PCNX2: variants seen among roughly 807,000 people sequenced by gnomAD.
PCNX2 encodes pecanex 2, also known as pecanex-like protein 2.
In PCNX2, 168 loss-of-function variants were observed where a neutral mutation model predicts 223.8. The observed-to-expected ratio is 0.75, with a 90% CI of 0.66 to 0.85. PCNX2 has a LOEUF of 0.85. Ranked by LOEUF, PCNX2 falls within the 40% of genes least tolerant of loss-of-function variation. The pLI is 0.00. For missense variants in PCNX2, 2,507 were observed against 2,675.5 expected, an observed-to-expected ratio of 0.94 and a Z score of 1.39; for synonymous variants, 1,006 against 1,052.6, an observed-to-expected ratio of 0.96 and a Z score of 0.86.
intron 15 of PCNX2, among the ~76,000 whole-genome samples, chr1:233,180,289 C>A (rs191105458): frequency 4.7e-4 from 71 of 152,278 alleles, no homozygotes; most frequent in African/African-American, 1.7e-3. Context: ...TGTATTCGGC[C>A]TGGCAGAGCA....
intron 4 of PCNX2, among the ~76,000 whole-genome samples, chr1:233,260,932 T>C (rs960042372): frequency 6.6e-6 from 1 of 152,168 alleles, no homozygotes; most frequent in Non-Finnish European, 1.5e-5. Flanking sequence ...ATTTATCCTG[T>C]CATTTTTTGA....
At chr1:233,045,965 T>C (rs1163382782) in intron 25 of PCNX2, among the ~76,000 whole-genome samples, 1 of 152,242 alleles carries the variant, frequency 6.6e-6, no homozygotes, top group South Asian at 2.1e-4. Context: ...CTTTGCAACA[T>C]CTTCCAACAA....
intron 25 of PCNX2, among the ~76,000 whole-genome samples, chr1:233,026,773 G>A (rs1159273766): frequency 2.0e-5 from 3 of 152,150 alleles, no homozygotes; most frequent in Non-Finnish European, 2.9e-5. Context: ...ATTGCAGGAG[G>A]ACCAGCCTTT....
chr1:233,130,787 C>T (rs1207696363), intron 21 of PCNX2, among the ~76,000 whole-genome samples: 1 of 151,604 alleles, frequency 6.6e-6, no homozygotes, highest in Non-Finnish European at 1.5e-5. Flanking sequence ...CCGGCACCCC[C>T]CCCTTTTTTT....
chr1:233,160,517 T>A, intron 18 of PCNX2, 84 bp from the exon 19 acceptor site: 1 of 1,418,676 alleles, frequency 7.0e-7, no homozygotes, highest in Non-Finnish European at 9.7e-7. Context: ...AACATCACTG[T>A]CCTTCCACTT....
chr1:233,233,618 AC>A (rs1464866491), intron 9 of PCNX2, among the ~76,000 whole-genome samples: 1 of 151,792 alleles, frequency 6.6e-6, no homozygotes, highest in Non-Finnish European at 1.5e-5. Flanking sequence ...CCTCCTGACC[AC>A]CCGCCCATTA....
chr1:233,183,489 G>C (rs1268818421), intron 15 of PCNX2, among the ~76,000 whole-genome samples: 1 of 152,186 alleles, frequency 6.6e-6, no homozygotes, highest in Non-Finnish European at 1.5e-5. Flanking sequence ...CATCAAATGT[G>C]GATCAGGCAG....
At chr1:233,166,360 C>G (rs1678793948) in intron 17 of PCNX2, among the ~76,000 whole-genome samples, 1 of 151,848 alleles carries the variant, frequency 6.6e-6, no homozygotes, top group Admixed American at 6.6e-5. Context: ...AAATGGAGCA[C>G]TAAAAGTTGG....
chr1:233,065,628 GT>G (rs1262703460), intron 23 of PCNX2: 1 of 151,434 alleles, frequency 6.6e-6, no homozygotes, highest in Admixed American at 6.6e-5. Context: ...GAGTTTCTCT[GT>G]TTTTATTTTT....
chr1:233,224,149 G>T (rs760437449), intron 10 of PCNX2, among the ~76,000 whole-genome samples: 4 of 152,188 alleles, frequency 2.6e-5, no homozygotes, highest in Admixed American at 6.5e-5. Flanking sequence ...TTGAATGAAT[G>T]AAATGTTGAA....
In PCNX2 at chr1:233,252,360, C is replaced by G. The variant is rs777621492; in HGVS notation, c.2122G>C (p.Glu708Gln). 1 of 1,604,030 alleles carries G rather than the reference C, an allele frequency of 6.2e-7. No individual in the cohort carries two copies. Among genetic ancestry groups the G allele is most frequent in the Non-Finnish European group, 8.5e-7 (1 of 1,174,066 alleles). ...SVDAMHVFIDEHGEIRSCYLK... is the reference protein window; with the variant it reads ...SVDAMHVFIDQHGEIRSCYLK... The stretch of plus-strand genomic sequence containing the variant: ...AAGAGCTCCAAAGACTCACCATGTT[C>G]ATCAATGAAGACATGCATAGCATCC... The change falls in exon 7 of 34, where the codon GAA becomes CAA. Residue 708 changes from glutamate to glutamine, a missense_variant. Physicochemically the swap from Glu to Gln is conservative, Grantham distance 29. Transcript: ENST00000258229.
At chr1:233,321,104 C>T in the PCNX2 span, among the ~76,000 whole-genome samples, 6 of 148,766 alleles carry the variant, frequency 4.0e-5, no homozygotes, top group Non-Finnish European at 8.9e-5. Context: ...CTGCAAGCTC[C>T]GCCTCCGGGG....
At chr1:233,120,164 CAA>C (rs1228898502) in intron 21 of PCNX2, among the ~76,000 whole-genome samples, 5 of 42,662 alleles carry the variant, frequency 1.2e-4, no homozygotes, top group African/African-American at 2.9e-4. Context: ...GACTCCATTT[CAA>C]AAAAAAAAAA....
intron 22 of PCNX2, among the ~76,000 whole-genome samples, chr1:233,092,878 A>G (rs1673943190): frequency 6.6e-6 from 1 of 152,154 alleles, no homozygotes; most frequent in African/African-American, 2.4e-5. Context: ...AGCTCACTGC[A>G]ACCTCCGCCT....
chr1:233,048,134 G>A (rs1671879966), intron 25 of PCNX2, among the ~76,000 whole-genome samples: 1 of 151,660 alleles, frequency 6.6e-6, no homozygotes, highest in South Asian at 2.1e-4. Flanking sequence ...CAAAATTAAG[G>A]CAAAAATGAA....
In PCNX2 at chr1:233,001,693, A is replaced by C. The variant is rs777097923; in HGVS notation, c.4953-12T>G. On this transcript the variant is annotated splice_polypyrimidine_tract_variant and intron_variant, in intron 28 of 33. Transcript: ENST00000258229. This position sits in a 1 kb window ranked among gnomAD's most constrained non-coding sequence, Gnocchi z 4.2. Reference sequence around the variant, plus strand: ...GGAAAGAATCCAGGCTGCAAAACAAAGTCCTATTACTATGGAACAAATTTC... The same window carrying C: ...GGAAAGAATCCAGGCTGCAAAACAACGTCCTATTACTATGGAACAAATTTC... 5 of 1,556,242 alleles carry C rather than the reference A, an allele frequency of 3.2e-6. No homozygotes were observed. In the East Asian group the frequency reaches 1.1e-4, roughly 35 times the overall value.
chr1:233,306,662 AAAAC>A, the PCNX2 span, among the ~76,000 whole-genome samples: 1 of 152,258 alleles, frequency 6.6e-6, no homozygotes, highest in Non-Finnish European at 1.5e-5. Flanking sequence ...TGTATTCAAA[AAAAC>A]AAATAAACCA....
chr1:233,086,719 C>T (rs1463911000), intron 23 of PCNX2, among the ~76,000 whole-genome samples: 1 of 151,972 alleles, frequency 6.6e-6, no homozygotes, highest in Non-Finnish European at 1.5e-5. Context: ...AATTCAGTTC[C>T]TCCATCAGAC....
chr1:233,142,924 C>T (rs1163375443), intron 19 of PCNX2, among the ~76,000 whole-genome samples: 1 of 152,164 alleles, frequency 6.6e-6, no homozygotes, highest in Non-Finnish European at 1.5e-5. Context: ...ATCTCCTCTT[C>T]CCCTATCCCT....
Sources: gnomAD v4.1 joint callset for allele counts (sites outside exome capture counted in the v4.1 genomes callset) on GRCh38, gnomAD v4.1.1 for gene constraint, Gnocchi (gnomAD v3.1) non-coding constraint, MANE v1.5 for transcripts, NCBI Gene and HGNC (gene_info 2026-07-23, HGNC 2026-07-21) for gene names.